Variants in HEPH observed in about 807,000 individuals in gnomAD.
The protein encoded by HEPH is hephaestin.
A neutral mutation model predicts 80.8 loss-of-function variants in HEPH; 69 were observed. The ratio of observed to expected loss-of-function variants is 0.85; its 90% CI spans 0.70 to 1.04. The LOEUF (loss-of-function observed/expected upper bound fraction) is 1.04, where lower values mean the gene tolerates loss of function less well. Ranked by LOEUF, HEPH falls within the 50% of genes least tolerant of loss-of-function variation. HEPH has a pLI of 0.00. For missense variants in HEPH, 1,115 were observed against 891.3 expected (o/e 1.25, Z -3.20); for synonymous variants, 431 against 322.8 (o/e 1.34, Z -3.60).
chrX:66,176,538 G>C (rs1171045800), intron 4 of HEPH, among the ~76,000 whole-genome samples: 6 of 111,019 alleles, frequency 5.4e-5, no homozygotes, highest in Non-Finnish European at 5.7e-5. Context: ...TAGGGTACAT[G>C]TGCACAATGT....
In HEPH at chrX:66,237,973, A is replaced by AT. The variant is rs755344844; in HGVS notation, c.2564-17055dup. Among the ~76,000 whole-genome samples the AT allele has an allele frequency of 2.8e-3, 314 of 111,499 alleles. 2 individuals are homozygous for AT. The highest frequency in any genetic ancestry group is 0.01 in the African/African-American group (309 of 30,660). ...CTTTGTGTTTCCATTTGCTTGGTAG[A>AT]TTTTTTTCATCCCTTTATTTTAAGC... On this transcript the variant is annotated intron_variant, in intron 15 of 20. Coordinates refer to ENST00000343002, the MANE Select transcript of HEPH (RefSeq NM_001367233.3).
At chrX:66,216,739 G>GA (rs1602380193) in intron 15 of HEPH, among the ~76,000 whole-genome samples, 1 of 111,735 alleles carries the variant, frequency 8.9e-6, no homozygotes, top group Non-Finnish European at 1.9e-5. Context: ...ATGGCCAGAA[G>GA]AAAAAATCAG....
intron 13 of HEPH, among the ~76,000 whole-genome samples, chrX:66,205,114 C>A (rs760679977): frequency 8.1e-5 from 9 of 111,578 alleles, no homozygotes; most frequent in Non-Finnish European, 1.1e-4. Context: ...CTTGTTAAAT[C>A]TTTCTTTTAA....
Position 66,173,573 on chromosome X carries a change from A to T in HEPH, c.413-16A>T. On this transcript the variant is annotated splice_polypyrimidine_tract_variant and intron_variant, in intron 3 of 20. Transcript: ENST00000343002. ...TCACTTATTCTGGGCCTGTGCATGTACAATTTCATTTCTAGGTTCCCTATA... is the reference window on the plus strand; with the variant it reads ...TCACTTATTCTGGGCCTGTGCATGTTCAATTTCATTTCTAGGTTCCCTATA... 8.5e-7 allele frequency: 1 copy of T among 1,172,039 alleles called. No individual in the cohort carries two copies. The highest frequency in any genetic ancestry group is 1.2e-6 in the Non-Finnish European group (1 of 861,909).
chrX:66,198,496 T>C (rs1290884635), intron 10 of HEPH, among the ~76,000 whole-genome samples: 2 of 111,648 alleles, frequency 1.8e-5, no homozygotes, highest in African/African-American at 6.5e-5. Flanking sequence ...ATCACTGATA[T>C]TACTTATCTT....
rs373351813 is a variant in HEPH at position 66,203,583 on chromosome X, G to C, written c.2291+6G>C. ...AACCAGTCTGAGAAGGACAGGTAAGGCTTCATAAATGGAGAGATTACACTT... is the reference window on the plus strand; with the variant it reads ...AACCAGTCTGAGAAGGACAGGTAAGCCTTCATAAATGGAGAGATTACACTT... On this transcript the variant is annotated splice_donor_region_variant and intron_variant, in intron 13 of 20. Transcript: ENST00000343002. 90 of 1,199,813 alleles carry C rather than the reference G, an allele frequency of 7.5e-5. No individual in the cohort carries two copies. Among genetic ancestry groups the C allele is most frequent in the East Asian group, 3.6e-4 (12 of 33,710 alleles).
At chrX:66,201,098 G>A in intron 12 of HEPH, among the ~76,000 whole-genome samples, 1 of 110,964 alleles carries the variant, frequency 9.0e-6, no homozygotes, top group Middle Eastern at 4.6e-3. Flanking sequence ...TTATTGGGAG[G>A]AAGGTCAATA....
At chrX:66,187,691 GT>G (rs1054524194) in intron 4 of HEPH, among the ~76,000 whole-genome samples, 4 of 111,077 alleles carry the variant, frequency 3.6e-5, no homozygotes, top group African/African-American at 1.3e-4. Context: ...CAGAGGGTCT[GT>G]GGGTCCTCTT....
At chrX:66,245,502 G>C (rs891611291) in intron 15 of HEPH, among the ~76,000 whole-genome samples, 13 of 111,320 alleles carry the variant, frequency 1.2e-4, no homozygotes, top group Admixed American at 8.6e-4. Context: ...GACCTACAAA[G>C]AGACTTAGAT....
chrX:66,199,560 G>A (rs1405375239), intron 11 of HEPH, among the ~76,000 whole-genome samples: 1 of 111,698 alleles, frequency 9.0e-6, no homozygotes, highest in Non-Finnish European at 1.9e-5. Flanking sequence ...GCGCCTAATT[G>A]GTACTAGGTA....
chrX:66,190,214 G>A (rs1201494791), intron 6 of HEPH, among the ~76,000 whole-genome samples: 1 of 110,000 alleles, frequency 9.1e-6, no homozygotes, highest in Non-Finnish European at 1.9e-5. Context: ...CTTTTAATCA[G>A]CTTTTTATTA....
chrX:66,226,156 G>A lies in HEPH; in HGVS notation c.2563+17910G>A, dbSNP rs183878205. On this transcript the variant is annotated intron_variant, in intron 15 of 20. Transcript: ENST00000343002. ...TACAGATAACATAACCGATTAGGCTGGGGTTGATCTTTAACTACCAGGCCC... is the reference window on the plus strand; with the variant it reads ...TACAGATAACATAACCGATTAGGCTAGGGTTGATCTTTAACTACCAGGCCC... Among the ~76,000 whole-genome samples the A allele has an allele frequency of 5.4e-5, 6 of 111,952 alleles. No individual in the cohort carries two copies. In the Admixed American group the frequency reaches 5.7e-4, roughly 11 times the overall value.
chrX:66,268,009 C>A (rs1301773374), downstream of HEPH: 2 of 111,501 alleles, frequency 1.8e-5, no homozygotes, highest in Non-Finnish European at 3.8e-5. Context: ...TTCTTGATTG[C>A]GTTTGGATTA....
At chrX:66,206,663 G>A (rs913598157) in intron 13 of HEPH, among the ~76,000 whole-genome samples, 5 of 109,575 alleles carry the variant, frequency 4.6e-5, no homozygotes, top group Non-Finnish European at 9.5e-5. Flanking sequence ...CACTGTGTAT[G>A]GCATACCTGC....
At chrX:66,230,571 CT>C (rs2090085347) in intron 15 of HEPH, among the ~76,000 whole-genome samples, 1 of 101,190 alleles carries the variant, frequency 9.9e-6, no homozygotes, top group Non-Finnish European at 2.0e-5. Flanking sequence ...GCATAAATGT[CT>C]TCTTTTGAGA....
chrX:66,239,351 T>C (rs1307820868), intron 15 of HEPH, among the ~76,000 whole-genome samples: 2 of 111,828 alleles, frequency 1.8e-5, no homozygotes, highest in Non-Finnish European at 3.8e-5. Context: ...AGCTTTTGTG[T>C]CTTCCTTCCA....
chrX:66,209,129 T>C (rs1407882439), intron 15 of HEPH, among the ~76,000 whole-genome samples: 3 of 111,990 alleles, frequency 2.7e-5, no homozygotes, highest in African/African-American at 9.7e-5. Flanking sequence ...CTTGAGCTGT[T>C]ATGATAGAAA....
rs760957262 is a variant in HEPH at position 66,168,409 on chromosome X, T to C, written c.-13-2149T>C. The stretch of plus-strand genomic sequence containing the variant: ...GCTTTCTGATTTATTTCTCCAGGGC[T>C]GATATTATTATACCCATTTTACAGA... On this transcript the variant is annotated intron_variant, in intron 1 of 20. Coordinates refer to ENST00000343002, the MANE Select transcript of HEPH (RefSeq NM_001367233.3). Among the ~76,000 whole-genome samples, 6 of 112,091 alleles carry C rather than the reference T, an allele frequency of 5.4e-5. No individual in the cohort carries two copies. In the South Asian group the frequency reaches 2.2e-3, roughly 42 times the overall value.
chrX:66,264,547 C>T (rs1360110726), intron 20 of HEPH, among the ~76,000 whole-genome samples: 2 of 108,850 alleles, frequency 1.8e-5, no homozygotes, highest in East Asian at 5.7e-4. Context: ...TATTCTCCAC[C>T]TCATTTGTCT....
Sources: gnomAD v4.1 joint callset for allele counts (sites outside exome capture counted in the v4.1 genomes callset) on GRCh38, gnomAD v4.1.1 for gene constraint, MANE v1.5 for transcripts, NCBI Gene and HGNC (gene_info 2026-07-23, HGNC 2026-07-21) for gene names.